The following IQCB1 variants were observed in gnomAD, a reference collection of about 807,000 sequenced individuals.
The protein encoded by IQCB1 is IQ calmodulin-binding motif-containing protein 1.
In IQCB1, 56 loss-of-function variants were observed where a neutral mutation model predicts 84.4. The ratio of observed to expected loss-of-function variants is 0.66; its 90% CI spans 0.54 to 0.83. The LOEUF (loss-of-function observed/expected upper bound fraction) is 0.83, where lower values mean the gene tolerates loss of function less well. Among genes scored for constraint, IQCB1 ranks in the 40% least tolerant of loss-of-function variants. IQCB1 has a pLI of 0.00. For synonymous variants in IQCB1, 210 were observed against 234.8 expected, an observed-to-expected ratio of 0.89 and a Z score of 0.96; for missense variants, 629 against 682.1, an observed-to-expected ratio of 0.92 and a Z score of 0.87.
At chr3:121,825,046 G>T (rs951005645) in intron 5 of IQCB1, among the ~76,000 whole-genome samples, 11 of 145,358 alleles carry the variant, frequency 7.6e-5, no homozygotes, top group Non-Finnish European at 1.6e-4. Flanking sequence ...CAAAACAAAG[G>T]TTTCTTTTTC....
intron 5 of IQCB1, among the ~76,000 whole-genome samples, chr3:121,825,444 T>C (rs964329827): frequency 2.6e-5 from 4 of 152,042 alleles, no homozygotes; most frequent in African/African-American, 7.3e-5. Context: ...TTCCAAAGGA[T>C]TGAAATGATA....
At chr3:121,831,449 A>C (rs550141348) in intron 2 of IQCB1, among the ~76,000 whole-genome samples, 1 of 152,260 alleles carries the variant, frequency 6.6e-6, no homozygotes, top group East Asian at 1.9e-4. Flanking sequence ...TAGCTCCTCT[A>C]GCAAATTAAT....
At position 121,807,351 on chromosome 3, in the gene IQCB1, T is replaced by A. The variant is rs1412812453; in HGVS notation, c.580A>T (p.Ile194Phe). Residue 194 changes from isoleucine to phenylalanine, a missense_variant, in exon 7 of 15, where the codon ATC becomes TTC. Coordinates refer to ENST00000310864, the MANE Select transcript of IQCB1 (RefSeq NM_001023570.4). ...VMMMLQNILQ[I>F]NSGDLLRIGR... is the part of the protein sequence containing the mutation. ...TTGTAAAAACCAAGTCACCTGTTGA[T>A]CTGTAGTATATTCTGTAGCATCATC... 6.8e-7 allele frequency: 1 copy of A among 1,475,444 alleles called. No homozygotes were observed. Among genetic ancestry groups the A allele is most frequent in the Admixed American group, 1.7e-5 (1 of 59,656 alleles). The allele number at this position is 1,475,444 out of a possible 1,614,324, so 91.4% of individuals were successfully genotyped here.
At chr3:121,792,169 A>G (rs1949005503) in intron 10 of IQCB1, among the ~76,000 whole-genome samples, 1 of 152,222 alleles carries the variant, frequency 6.6e-6, no homozygotes, top group Non-Finnish European at 1.5e-5. Flanking sequence ...TGCATTATCA[A>G]TATTTTAAAT....
In IQCB1 at chr3:121,797,212, A is replaced by C. The variant is rs199959360; in HGVS notation, c.782T>G (p.Leu261Arg). The change falls in exon 9 of 15, where the codon CTA (leucine) becomes CGA (arginine). Residue 261 changes from leucine to arginine, a missense_variant. Leu to Arg is a moderately radical substitution (Grantham distance 102, BLOSUM62 -2). Transcript: ENST00000310864. ...TTCAGTCCCAGTTTCCTGTTTACTT[A>C]GTAGACGTCTGAGTCCTGAAATGGA... ...STCYKGLRRL[L>R]SKQETGTEFS... The C allele has an allele frequency of 5.6e-4, 886 of 1,592,442 alleles. 4 individuals are homozygous for C. Among genetic ancestry groups the C allele is most frequent in the South Asian group, 2.9e-3 (266 of 90,442 alleles).
At chr3:121,809,356 T>C (rs536079791) in intron 5 of IQCB1, among the ~76,000 whole-genome samples, 1 of 152,196 alleles carries the variant, frequency 6.6e-6, no homozygotes, top group African/African-American at 2.4e-5. Flanking sequence ...TCAAATATAC[T>C]GAATTTGAAT....
At chr3:121,834,707 T>A (rs1447538062) in intron 1 of IQCB1, among the ~76,000 whole-genome samples, 1 of 152,146 alleles carries the variant, frequency 6.6e-6, no homozygotes, top group Non-Finnish European at 1.5e-5. Context: ...GCCTCTGGGC[T>A]CCTTTACTCC....
At chr3:121,810,164 T>C (rs7623901) in intron 5 of IQCB1, among the ~76,000 whole-genome samples, 124,488 of 151,982 alleles carry the variant, frequency 0.82, 51,415 homozygotes, top group East Asian at 0.94. Context: ...TTCATGGTTC[T>C]TGAGGCAGGT....
chr3:121,770,593 A>T lies in IQCB1; in HGVS notation c.1568-19T>A, dbSNP rs773487378. On this transcript the variant is annotated intron_variant, in intron 14 of 14. Transcript: ENST00000310864. ...GGTGCCTCTGTAGTGGACAGAAAAT[A>T]AACAGATGAGCAGAAGAGTCCTATG... 39 of 1,158,656 alleles carry T rather than the reference A, an allele frequency of 3.4e-5. No homozygotes were observed. In the Middle Eastern group the frequency reaches 2.1e-3, roughly 63 times the overall value. The allele number at this position is 1,158,656 out of a possible 1,614,324, so 71.8% of individuals were successfully genotyped here.
At chr3:121,813,321 C>T (rs1320116359) in intron 5 of IQCB1, among the ~76,000 whole-genome samples, 1 of 152,096 alleles carries the variant, frequency 6.6e-6, no homozygotes, top group Non-Finnish European at 1.5e-5. Flanking sequence ...CAAAAGCATA[C>T]CAAAATACAA....
intron 14 of IQCB1, among the ~76,000 whole-genome samples, chr3:121,771,621 C>T (rs1166652987): frequency 6.6e-6 from 1 of 152,140 alleles, no homozygotes; most frequent in Non-Finnish European, 1.5e-5. Context: ...GCCACCTCAC[C>T]CAGCCAAGAT....
In IQCB1 at chr3:121,835,029, G is replaced by A. The variant is rs1200149442; in HGVS notation, c.-165C>T. 3 of 562,770 alleles carry A rather than the reference G, an allele frequency of 5.3e-6. No individual in the cohort carries two copies. The highest frequency in any genetic ancestry group is 9.6e-6 in the Non-Finnish European group (3 of 313,246). 34.9% of individuals were successfully genotyped at this position (562,770 alleles called of 1,614,324 possible). A position where few individuals can be genotyped will look rare whatever the true frequency, so the allele number is the denominator to read the frequency against. ...GGCTCCCACGCCGCACTACAGCGCCGCGGCCTTCCGGGGCAGCGTGCGTCG... is the reference window on the plus strand; with the variant it reads ...GGCTCCCACGCCGCACTACAGCGCCACGGCCTTCCGGGGCAGCGTGCGTCG... On this transcript the variant is annotated 5_prime_UTR_variant, in exon 1 of 15. Transcript: ENST00000310864.
intron 8 of IQCB1, among the ~76,000 whole-genome samples, chr3:121,797,946 T>TA (rs1372177698): frequency 6.6e-6 from 1 of 151,992 alleles, no homozygotes; most frequent in African/African-American, 2.4e-5. Flanking sequence ...ATGGATCTTT[T>TA]AATGCCTTAT....
intron 5 of IQCB1, among the ~76,000 whole-genome samples, chr3:121,825,829 A>C (rs1950447008): frequency 6.6e-6 from 1 of 152,224 alleles, no homozygotes; most frequent in Non-Finnish European, 1.5e-5. Flanking sequence ...CCAACAAGTA[A>C]AGTAGCAAGG....
At position 121,772,353 on chromosome 3, in the gene IQCB1, G is replaced by T. The variant is rs943401466; in HGVS notation, c.1567+204C>A. Among the ~76,000 whole-genome samples, 41 of 152,204 alleles carry T rather than the reference G, an allele frequency of 2.7e-4. 1 individual carries two copies. The highest frequency in any genetic ancestry group is 3.2e-4 in the Non-Finnish European group (22 of 68,044). Reference sequence around the variant, plus strand: ...GGGTGACACATATGAATGATGGCAAGGCTTGGGGAAACAGGTAAGAAGGTG... The same window carrying T: ...GGGTGACACATATGAATGATGGCAATGCTTGGGGAAACAGGTAAGAAGGTG... On this transcript the variant is annotated intron_variant, in intron 14 of 14. Transcript: ENST00000310864.
chr3:121,783,062 T>A (rs1393514795), intron 12 of IQCB1, among the ~76,000 whole-genome samples: 2 of 152,226 alleles, frequency 1.3e-5, no homozygotes, highest in East Asian at 3.8e-4. Context: ...CTACATGACC[T>A]GCAAAGCCTA....
At chr3:121,791,555 G>A (rs900097504) in intron 10 of IQCB1, among the ~76,000 whole-genome samples, 7 of 152,178 alleles carry the variant, frequency 4.6e-5, no homozygotes, top group Admixed American at 3.3e-4. Flanking sequence ...AGAAGATCTA[G>A]GGCTAGTTGA....
rs1576552498 is a variant in IQCB1, at chr3:121,786,495, T to A, written c.1278+1789A>T. ...CTGGGTGACAGAGTGAGACCATGTC[T>A]CTTAAAAAAAAAAAAAAGTAATCCT... is the stretch of plus-strand genomic sequence containing the variant. On this transcript the variant is annotated intron_variant, in intron 12 of 14. Transcript: ENST00000310864. Among the ~76,000 whole-genome samples, 4 of 85,536 alleles carry A rather than the reference T, an allele frequency of 4.7e-5. No individual in the cohort carries two copies. The South Asian group carries it at 1.6e-3, about 34-fold the overall frequency. 56.1% of individuals were successfully genotyped at this position (85,536 alleles called of 152,430 possible).
intron 5 of IQCB1, among the ~76,000 whole-genome samples, chr3:121,815,276 T>C (rs978961649): frequency 1.3e-5 from 2 of 152,078 alleles, no homozygotes; most frequent in African/African-American, 4.8e-5. Flanking sequence ...CAATAATAAC[T>C]ATTTATGAGA....
Sources: allele counts gnomAD v4.1 joint callset (sites outside exome capture counted in the v4.1 genomes callset), GRCh38; gene constraint gnomAD v4.1.1; transcripts MANE v1.5; gene names NCBI Gene and HGNC (gene_info 2026-07-23, HGNC 2026-07-21).